BRD8: variants seen among roughly 807,000 people sequenced by gnomAD.
BRD8 encodes the protein bromodomain containing 8.
Under a neutral mutation model 143.1 loss-of-function variants are expected in BRD8, and 67 were observed. That is an observed-to-expected ratio of 0.47 (90% CI 0.38 to 0.57). The LOEUF is 0.57. Ranked by LOEUF, BRD8 falls within the 20% of genes least tolerant of loss-of-function variation. The probability of loss-of-function intolerance (pLI) is 0.00; values close to 1 mark genes in which losing one functional copy is unlikely to be tolerated. For missense variants in BRD8, 1,103 were observed against 1,503.0 expected (o/e 0.73, Z 4.40); for synonymous variants, 505 against 517.1 (o/e 0.98, Z 0.32).
intron 9 of BRD8, chr5:138,166,998 C>T (rs1026150824): frequency 7.1e-6 from 2 of 283,630 alleles, no homozygotes; most frequent in Admixed American, 5.3e-5. Flanking sequence ...GTAATGCTAG[C>T]ACTTTGGGAG....
intron 3 of BRD8, 99 bp downstream of exon 3, chr5:138,171,966 C>G (rs544473640): frequency 1.1e-6 from 1 of 877,438 alleles, no homozygotes; most frequent in South Asian, 1.4e-5. Context: ...TTTCCCACAT[C>G]ATGGTATAAA....
chr5:138,145,143 G>C, intron 25 of BRD8, 34 bp downstream of exon 25: 1 of 1,584,722 alleles, frequency 6.3e-7, no homozygotes, highest in Non-Finnish European at 8.6e-7. Context: ...AGATATAAAA[G>C]CAACCAACCT....
At chr5:138,146,747 T>G (rs898291380) in intron 23 of BRD8, among the ~76,000 whole-genome samples, 1 of 151,530 alleles carries the variant, frequency 6.6e-6, no homozygotes, top group African/African-American at 2.4e-5. Context: ...GGCAGGCGGA[T>G]CACAAGGTCA....
At chr5:138,169,087 A>T (rs1753667448) in intron 8 of BRD8, 135 bp downstream of exon 8, 2 of 959,242 alleles carry the variant, frequency 2.1e-6, no homozygotes, top group Admixed American at 2.8e-5. Flanking sequence ...AGCACAGAAC[A>T]TGGTAAATTA....
At chr5:138,144,898 C>CAAAAAAAAAAAAAAAAAAAAAAAAA (rs34496046) in intron 25 of BRD8, among the ~76,000 whole-genome samples, 1 of 103,532 alleles carries the variant, frequency 9.7e-6, no homozygotes, top group Non-Finnish European at 1.9e-5. Flanking sequence ...GAGACCCTGT[C>CAAAAAAAAAAAAAAAAAAAAAAAAA]AAAAAAAAAA....
At chr5:138,176,077 GA>G (rs1252243370) in intron 2 of BRD8, among the ~76,000 whole-genome samples, 2 of 151,976 alleles carry the variant, frequency 1.3e-5, no homozygotes, top group African/African-American at 4.8e-5. Flanking sequence ...CCAAAAAGTG[GA>G]AACAACCCAA....
chr5:138,148,159 GA>G (rs764280222), intron 23 of BRD8, among the ~76,000 whole-genome samples: 12,979 of 73,442 alleles, frequency 0.18, 534 homozygotes, highest in Middle Eastern at 0.25. Flanking sequence ...TGATGAGCTG[GA>G]AAAAAAAAAA....
intron 25 of BRD8, among the ~76,000 whole-genome samples, chr5:138,142,904 A>G (rs1751971255): frequency 6.6e-6 from 1 of 152,042 alleles, no homozygotes; most frequent in African/African-American, 2.4e-5. Context: ...CATATCTACA[A>G]AAAATTTAAA....
rs1327529074 is a variant in BRD8 at position 138,164,758 on chromosome 5, T to C, written c.1687A>G (p.Ile563Val). The C allele has an allele frequency of 3.1e-6, 5 of 1,614,120 alleles. No individual in the cohort carries two copies. The highest frequency in any genetic ancestry group is 2.2e-5 in the South Asian group (2 of 91,090). Residue 563 changes from isoleucine (I) to valine (V), a missense_variant, in exon 12 of 27, where the codon ATT becomes GTT. Coordinates refer to ENST00000254900, the MANE Select transcript of BRD8 (RefSeq NM_139199.2). ...AGTGGAGTCTCATCGCCTTTCCCAA[T>C]GGCAACATCTGCTTCAACAATCTCT... ...AGEIVEADVA[I>V]GKGDETPLTN...
In BRD8 at chr5:138,161,083, C is replaced by T. The variant is rs1554096364; in HGVS notation, c.2250-15G>A. On this transcript the variant is annotated splice_polypyrimidine_tract_variant and intron_variant, in intron 17 of 26. Coordinates refer to ENST00000254900, the MANE Select transcript of BRD8 (RefSeq NM_139199.2). ...AATCCATAGGCCTAAAAAAAAAGAA[C>T]AGGGGTAAGTAGCAGTGGGGATGGA... is the stretch of plus-strand genomic sequence containing the variant. 7 of 1,600,068 alleles carry T rather than the reference C, an allele frequency of 4.4e-6. No homozygotes were observed. The South Asian group carries it at 5.6e-5, about 13-fold the overall frequency.
chr5:138,166,437 C>T lies in BRD8; in HGVS notation c.997+81G>A, dbSNP rs559262439. ...TAGAACAGAGAAGAAGCATCTGAAT[C>T]GGAGCTGATGCTCTTGGTCATTTTT... is the stretch of plus-strand genomic sequence containing the variant. On this transcript the variant is annotated intron_variant, in intron 10 of 26. Transcript: ENST00000254900. 1.8e-4 allele frequency: 149 copies of T among 819,086 alleles called. 1 individual carries two copies. The South Asian group carries it at 2.1e-3, about 11-fold the overall frequency. The allele number at this position is 819,086 out of a possible 1,614,324, so 50.7% of individuals were successfully genotyped here. A position where few individuals can be genotyped will look rare whatever the true frequency, so the allele number is the denominator to read the frequency against.
Position 138,168,029 on chromosome 5 carries a change from C to G in BRD8, c.692G>C (p.Gly231Ala), listed in dbSNP as rs1378084781. The G allele has an allele frequency of 6.2e-7, 1 of 1,613,480 alleles. No individual in the cohort carries two copies. The highest frequency in any genetic ancestry group is 8.5e-7 in the Non-Finnish European group (1 of 1,179,540). Residue 231 changes from glycine to alanine, a missense_variant, in exon 9 of 27, where the codon GGT becomes GCT. By Grantham distance (60) the Gly-to-Ala change is moderately conservative. This residue lies in a region of BRD8 where 334 missense variants were observed against 372.5 expected (regional missense o/e 0.90). Coordinates refer to ENST00000254900, the MANE Select transcript of BRD8 (RefSeq NM_139199.2). Reference protein sequence around the residue: ...AVASGHLNSTGVLLEVGGVLP... With the variant: ...AVASGHLNSTAVLLEVGGVLP... The stretch of plus-strand genomic sequence containing the variant: ...GACCCCGCCTACCTCCAGGAGGACA[C>G]CTGTACTGTTCAGGTGGCCAGAAGC...
At chr5:138,145,970 G>A in intron 23 of BRD8, 92 bp from the exon 24 acceptor site, 1 of 929,730 alleles carries the variant, frequency 1.1e-6, no homozygotes, top group Non-Finnish European at 1.7e-6. Flanking sequence ...CTTAAGACAT[G>A]CTCCTAATTA....
At chr5:138,169,164 G>C (rs1378624123) in intron 8 of BRD8, 58 bp downstream of exon 8, 1 of 1,581,522 alleles carries the variant, frequency 6.3e-7, no homozygotes, top group Non-Finnish European at 8.6e-7. Context: ...TCATCGCTCA[G>C]CTCTGCCGGC....
intron 2 of BRD8, chr5:138,177,167 C>G (rs933571283): frequency 1.3e-5 from 2 of 154,186 alleles, no homozygotes; most frequent in Admixed American, 6.4e-5. Context: ...GCGGACAGAT[C>G]ATGAGGTCAG....
chr5:138,163,384 G>A (rs764457605), intron 14 of BRD8, 40 bp from the exon 15 acceptor site: 4 of 1,597,822 alleles, frequency 2.5e-6, no homozygotes, highest in Non-Finnish European at 3.4e-6. Flanking sequence ...TGCAAGCAAA[G>A]CTATCCAGCA....
intron 15 of BRD8, among the ~76,000 whole-genome samples, chr5:138,162,624 T>G (rs1438240344): frequency 6.6e-6 from 1 of 152,092 alleles, no homozygotes; most frequent in Non-Finnish European, 1.5e-5. Flanking sequence ...GAAGACTGCT[T>G]GAGGTCAGGA....
At position 138,140,633 on chromosome 5, in the gene BRD8, C is replaced by A. The variant is rs778375970; in HGVS notation, c.3615+72G>T. 3.4e-6 allele frequency: 5 copies of A among 1,492,498 alleles called. No homozygotes were observed. The African/African-American group carries it at 5.5e-5, about 16-fold the overall frequency. 92.5% of individuals were successfully genotyped at this position (1,492,498 alleles called of 1,614,324 possible). On this transcript the variant is annotated intron_variant, in intron 26 of 26. Transcript: ENST00000254900. The stretch of plus-strand genomic sequence containing the variant: ...ATAAACTCTGAGAACACAGTCACCT[C>A]GAAATCACCTTTATTCTCATAGGCG...
chr5:138,166,990 A>C (rs1753480776), intron 9 of BRD8: 1 of 342,386 alleles, frequency 2.9e-6, no homozygotes, highest in Non-Finnish European at 5.5e-6. Context: ...TCACGCCTGT[A>C]ATGCTAGCAC....
Sources: allele counts gnomAD v4.1 joint callset (sites outside exome capture counted in the v4.1 genomes callset), GRCh38; gene constraint gnomAD v4.1.1; regional missense constraint gnomAD v4.1.1; transcripts MANE v1.5; gene names NCBI Gene and HGNC (gene_info 2026-07-23, HGNC 2026-07-21).